TMEM54: variants seen among roughly 807,000 people sequenced by gnomAD.
TMEM54 encodes the protein transmembrane protein 54.
Under a neutral mutation model 21.3 loss-of-function variants are expected in TMEM54, and 21 were observed. The ratio of observed to expected loss-of-function variants is 0.99; its 90% CI spans 0.70 to 1.42. TMEM54 has a LOEUF of 1.42. Ranked by LOEUF, TMEM54 falls within the 40% of genes most tolerant of loss-of-function variation. The pLI is 0.00. For missense variants in TMEM54, 246 were observed against 294.0 expected, an observed-to-expected ratio of 0.84 and a Z score of 1.19; for synonymous variants, 109 against 125.0, an observed-to-expected ratio of 0.87 and a Z score of 0.86.
Position 32,898,274 on chromosome 1 carries a change from C to T in TMEM54, c.62G>A (p.Gly21Asp). ...GDFRKVLMKT[G>D]LVLVVLGHVS... ...ATGGCCCAGCACCACCAGCACCAGGCCTGTCTTCATCAGCACCTTCCGGAA... is the reference window on the plus strand; with the variant it reads ...ATGGCCCAGCACCACCAGCACCAGGTCTGTCTTCATCAGCACCTTCCGGAA... The change falls in exon 2 of 6, where the codon GGC (glycine) becomes GAC (aspartate). Residue 21 changes from glycine to aspartate, a missense_variant. By Grantham distance (94) the Gly-to-Asp change is moderately conservative. Coordinates refer to ENST00000373463, the MANE Select transcript of TMEM54 (RefSeq NM_033504.4). 2 of 1,611,770 alleles carry T rather than the reference C, an allele frequency of 1.2e-6. No individual in the cohort carries two copies. The highest frequency in any genetic ancestry group is 1.7e-6 in the Non-Finnish European group (2 of 1,178,068).
At position 32,896,573 on chromosome 1, in the gene TMEM54, G is replaced by A. The variant is rs115923480; in HGVS notation, c.211-604C>T. Among the ~76,000 whole-genome samples the A allele has an allele frequency of 3.3e-5, 5 of 152,290 alleles. No homozygotes were observed. The highest frequency in any genetic ancestry group is 1.2e-4 in the African/African-American group (5 of 41,556). On this transcript the variant is annotated intron_variant, in intron 2 of 5. Transcript: ENST00000373463. This position sits in a 1 kb window ranked among gnomAD's most constrained non-coding sequence, Gnocchi z 4.1. Reference sequence around the variant, plus strand: ...CTCTCACCTTCCTGCTCCTCTGCCCGTGTGGATCCTGCAAGCCCTGCTCAG... The same window carrying A: ...CTCTCACCTTCCTGCTCCTCTGCCCATGTGGATCCTGCAAGCCCTGCTCAG...
Position 32,901,302 on chromosome 1 carries a change from G to A in TMEM54, c.-64C>T, listed in dbSNP as rs907364875. On this transcript the variant is annotated 5_prime_UTR_variant, in exon 1 of 6. Transcript: ENST00000373463. This position sits in a 1 kb window ranked among gnomAD's most constrained non-coding sequence, Gnocchi z 4.2. ...GCTCCCGAGGCTGCGGGCCGCCGGG[G>A]GACCCTGCTCCCATCCCGCTGGCCC... 5.5e-6 allele frequency: 7 copies of A among 1,280,064 alleles called. No homozygotes were observed. The highest frequency in any genetic ancestry group is 2.5e-5 in the South Asian group (1 of 40,390). 79.3% of individuals were successfully genotyped at this position (1,280,064 alleles called of 1,614,324 possible).
At chr1:32,899,240 A>T (rs1641668113) in intron 1 of TMEM54, among the ~76,000 whole-genome samples, 1 of 152,100 alleles carries the variant, frequency 6.6e-6, no homozygotes. Flanking sequence ...CAGCTCTGAG[A>T]CTTGAAGACT....
At position 32,896,084 on chromosome 1, in the gene TMEM54, C is replaced by T; in HGVS notation, c.211-115G>A. The T allele has an allele frequency of 9.0e-7, 1 of 1,114,084 alleles. No homozygotes were observed. The highest frequency in any genetic ancestry group is 2.5e-5 in the Admixed American group (1 of 39,370). 69.0% of individuals were successfully genotyped at this position (1,114,084 alleles called of 1,614,324 possible). On this transcript the variant is annotated intron_variant, in intron 2 of 5. Transcript: ENST00000373463. The surrounding 1 kb of genome is among the most constrained non-coding windows in gnomAD (Gnocchi z 4.1). ...GGCGCCAACCATTGCCCTCCAGACT[C>T]CCCCACCCCTCACCTGCTGCTTAGC... is the stretch of plus-strand genomic sequence containing the variant.
chr1:32,895,446 G>T lies in TMEM54; in HGVS notation c.460-7C>A, dbSNP rs1462099774. On this transcript the variant is annotated splice_region_variant and splice_polypyrimidine_tract_variant and intron_variant, in intron 4 of 5. Coordinates refer to ENST00000373463, the MANE Select transcript of TMEM54 (RefSeq NM_033504.4). The surrounding 1 kb of genome is among the most constrained non-coding windows in gnomAD (Gnocchi z 5.8). Reference sequence around the variant, plus strand: ...AGAGGCACAGGCTGGAGCTCTGCGGGGCATGGGGCAGAGATGGCTGGCTGG... The same window carrying T: ...AGAGGCACAGGCTGGAGCTCTGCGGTGCATGGGGCAGAGATGGCTGGCTGG... 5.6e-6 allele frequency: 9 copies of T among 1,608,566 alleles called. No homozygotes were observed. The South Asian group carries it at 9.9e-5, about 18-fold the overall frequency.
rs751253232 is a variant in TMEM54, at chr1:32,901,262, C to G, written c.-24G>C. The G allele has an allele frequency of 7.1e-7, 1 of 1,406,208 alleles. No individual in the cohort carries two copies. The highest frequency in any genetic ancestry group is 2.2e-5 in the Admixed American group (1 of 45,488). 87.1% of individuals were successfully genotyped at this position (1,406,208 alleles called of 1,614,324 possible). On this transcript the variant is annotated 5_prime_UTR_variant, in exon 1 of 6. Coordinates refer to ENST00000373463, the MANE Select transcript of TMEM54 (RefSeq NM_033504.4). The surrounding 1 kb of genome is among the most constrained non-coding windows in gnomAD (Gnocchi z 4.2). Reference sequence around the variant, plus strand: ...ATGTCGGCTCCGCGCTGGTCCCGCCCCCGGCTTCAGCGCGGCTCCCGAGGC... The same window carrying G: ...ATGTCGGCTCCGCGCTGGTCCCGCCGCCGGCTTCAGCGCGGCTCCCGAGGC...
Position 32,898,302 on chromosome 1 carries a change from C to T in TMEM54, c.34G>A (p.Asp12Asn), listed in dbSNP as rs137957138. Reference sequence around the variant, plus strand: ...GTCTTCATCAGCACCTTCCGGAAGTCGCCCACACTCAGGCCTCCTGTGGGG... The same window carrying T: ...GTCTTCATCAGCACCTTCCGGAAGTTGCCCACACTCAGGCCTCCTGTGGGG... Reference protein sequence around the residue: ...CLRLGGLSVGDFRKVLMKTGL... With the variant: ...CLRLGGLSVGNFRKVLMKTGL... The change falls in exon 2 of 6, where the codon GAC becomes AAC. Residue 12 changes from aspartate to asparagine, a missense_variant. Coordinates refer to ENST00000373463, the MANE Select transcript of TMEM54 (RefSeq NM_033504.4). The T allele has an allele frequency of 3.7e-6, 6 of 1,603,318 alleles. No homozygotes were observed. Among genetic ancestry groups the T allele is most frequent in the Admixed American group, 3.3e-5 (2 of 59,856 alleles).
rs1641726535 is a variant in TMEM54 at position 32,901,372 on chromosome 1, C to T, written c.-134G>A. ...CCGTCGCGCTCGCCCACTTCCCGCC[C>T]GGAGCCCGGGGCTGGGCGGCGCCGG... is the stretch of plus-strand genomic sequence containing the variant. On this transcript the variant is annotated 5_prime_UTR_variant, in exon 1 of 6. Transcript: ENST00000373463. This position sits in a 1 kb window ranked among gnomAD's most constrained non-coding sequence, Gnocchi z 4.2. 1.1e-6 allele frequency: 1 copy of T among 903,324 alleles called. No individual in the cohort carries two copies. Among genetic ancestry groups the T allele is most frequent in the African/African-American group, 1.8e-5 (1 of 56,378 alleles). The allele number at this position is 903,324 out of a possible 1,614,324, so 56.0% of individuals were successfully genotyped here.
Position 32,895,806 on chromosome 1 carries a change from TC to T in TMEM54, c.271-64del. The T allele has an allele frequency of 1.3e-6, 2 of 1,547,906 alleles. No homozygotes were observed. The highest frequency in any genetic ancestry group is 1.7e-6 in the Non-Finnish European group (2 of 1,145,670). On this transcript the variant is annotated intron_variant, in intron 3 of 5. Transcript: ENST00000373463. This position sits in a 1 kb window ranked among gnomAD's most constrained non-coding sequence, Gnocchi z 5.8. ...TTGGCCCCCATGGGCAGCTCTGGCC[TC>T]CCTGAGGGTCAGCCTTACCCTCTCC...
chr1:32,895,195 C>T lies in TMEM54; in HGVS notation c.594+110G>A. 1 of 1,426,240 alleles carries T rather than the reference C, an allele frequency of 7.0e-7. No homozygotes were observed. The highest frequency in any genetic ancestry group is 9.3e-7 in the Non-Finnish European group (1 of 1,070,796). 88.3% of individuals were successfully genotyped at this position (1,426,240 alleles called of 1,614,324 possible). ...TTGCTCCTGGGGAGAAAACTTCTGCCCCATTTCTCAAGGTGGGGGCCCATA... is the reference window on the plus strand; with the variant it reads ...TTGCTCCTGGGGAGAAAACTTCTGCTCCATTTCTCAAGGTGGGGGCCCATA... On this transcript the variant is annotated intron_variant, in intron 5 of 5. Coordinates refer to ENST00000373463, the MANE Select transcript of TMEM54 (RefSeq NM_033504.4). The surrounding 1 kb of genome is among the most constrained non-coding windows in gnomAD (Gnocchi z 5.8).
rs1641546598 is a variant in TMEM54 at position 32,894,864 on chromosome 1, C to A, written c.610G>T (p.Glu204Ter). The A allele has an allele frequency of 1.2e-6, 2 of 1,611,114 alleles. No individual in the cohort carries two copies. Among genetic ancestry groups the A allele is most frequent in the East Asian group, 4.5e-5 (2 of 44,762 alleles). ...AGCAGGTCACGGCCCTCCACCAGCT[C>A]TGGGTTCTCCCGCATCTGCAGAGAC... Reference protein sequence around the residue: ...SSHHMMRENPELVEGRDLLSC... With the variant: ...SSHHMMRENP The change falls in exon 6 of 6, where the codon GAG (glutamate) becomes TAG (stop). Residue 204 changes from glutamate to a stop codon, truncating the protein, a stop_gained. Coordinates refer to ENST00000373463, the MANE Select transcript of TMEM54 (RefSeq NM_033504.4). LOFTEE classifies it high-confidence loss of function.
rs1395273751 is a variant in TMEM54, at chr1:32,896,804, C to T, written c.211-835G>A. On this transcript the variant is annotated intron_variant, in intron 2 of 5. Coordinates refer to ENST00000373463, the MANE Select transcript of TMEM54 (RefSeq NM_033504.4). This position sits in a 1 kb window ranked among gnomAD's most constrained non-coding sequence, Gnocchi z 4.1. The stretch of plus-strand genomic sequence containing the variant: ...TTCCAGGCCTAGCATGTCTTTAGTT[C>T]ACATGAGAGCCACAACAGAGTGCCT... Among the ~76,000 whole-genome samples the T allele has an allele frequency of 6.6e-6, 1 of 152,206 alleles. No individual in the cohort carries two copies. The highest frequency in any genetic ancestry group is 1.5e-5 in the Non-Finnish European group (1 of 68,030).
rs1473114714 is a variant in TMEM54, at chr1:32,894,779, A to G, written c.*26T>C. The G allele has an allele frequency of 1.7e-5, 28 of 1,601,534 alleles. No homozygotes were observed. Among genetic ancestry groups the G allele is most frequent in the Non-Finnish European group, 2.4e-5 (28 of 1,169,796 alleles). The stretch of plus-strand genomic sequence containing the variant: ...AGTTGCTTGCAGGGTCCTAGTGGCC[A>G]TCGGGCCTGGGCAGGACATCATCTC... On this transcript the variant is annotated 3_prime_UTR_variant, in exon 6 of 6. Coordinates refer to ENST00000373463, the MANE Select transcript of TMEM54 (RefSeq NM_033504.4).
chr1:32,895,803 G>T lies in TMEM54; in HGVS notation c.271-60C>A. 1 of 1,547,956 alleles carries T rather than the reference G, an allele frequency of 6.5e-7. No individual in the cohort carries two copies. Among genetic ancestry groups the T allele is most frequent in the Non-Finnish European group, 8.7e-7 (1 of 1,145,806 alleles). The stretch of plus-strand genomic sequence containing the variant: ...TGCTTGGCCCCCATGGGCAGCTCTG[G>T]CCTCCCTGAGGGTCAGCCTTACCCT... On this transcript the variant is annotated intron_variant, in intron 3 of 5. Transcript: ENST00000373463. This position sits in a 1 kb window ranked among gnomAD's most constrained non-coding sequence, Gnocchi z 5.8.
At position 32,897,479 on chromosome 1, in the gene TMEM54, G is replaced by A. The variant is rs1315318565; in HGVS notation, c.210+647C>T. ...CAGGTACTGATATCTGGTCACAACC[G>A]TGGCTACCATTCATTGAGCAGTTGC... On this transcript the variant is annotated intron_variant, in intron 2 of 5. Coordinates refer to ENST00000373463, the MANE Select transcript of TMEM54 (RefSeq NM_033504.4). This position sits in a 1 kb window ranked among gnomAD's most constrained non-coding sequence, Gnocchi z 4.9. 2.0e-5 allele frequency among the ~76,000 whole-genome samples: 3 copies of A among 152,184 alleles called. No individual in the cohort carries two copies. Among genetic ancestry groups the A allele is most frequent in the Admixed American group, 1.3e-4 (2 of 15,274 alleles).
Position 32,896,633 on chromosome 1 carries a change from A to G in TMEM54, c.211-664T>C, listed in dbSNP as rs760718807. ...CGTTTCCCTAACCAGCCTCGATCCCAAGGGGTGGGGCTACCCCACAGTTCA... is the reference window on the plus strand; with the variant it reads ...CGTTTCCCTAACCAGCCTCGATCCCGAGGGGTGGGGCTACCCCACAGTTCA... On this transcript the variant is annotated intron_variant, in intron 2 of 5. Transcript: ENST00000373463. The surrounding 1 kb of genome is among the most constrained non-coding windows in gnomAD (Gnocchi z 4.1). 7.9e-5 allele frequency among the ~76,000 whole-genome samples: 12 copies of G among 152,178 alleles called. No individual in the cohort carries two copies. The highest frequency in any genetic ancestry group is 1.6e-4 in the Non-Finnish European group (11 of 68,030).
Position 32,900,161 on chromosome 1 carries a change from CTT to C in TMEM54, c.16+1060_16+1061del, listed in dbSNP as rs79232578. Reference sequence around the variant, plus strand: ...TAACAACAGCATCCCAGGACCAAGACTTTGGTCAAAGAGGAGGCACGGTGCCA... The same window carrying C: ...TAACAACAGCATCCCAGGACCAAGACTGGTCAAAGAGGAGGCACGGTGCCA... On this transcript the variant is annotated intron_variant, in intron 1 of 5. Transcript: ENST00000373463. Among the ~76,000 whole-genome samples the C allele has an allele frequency of 3.8e-3, 581 of 152,348 alleles. 11 individuals carry two copies. The East Asian group carries it at 0.051, about 13-fold the overall frequency.
Position 32,895,339 on chromosome 1 carries a change from A to G in TMEM54, c.560T>C (p.Leu187Pro), listed in dbSNP as rs1252222889. The G allele has an allele frequency of 6.2e-7, 1 of 1,613,610 alleles. No individual in the cohort carries two copies. The highest frequency in any genetic ancestry group is 8.5e-7 in the Non-Finnish European group (1 of 1,179,644). ...GCTGCTTTTCCCCCACCAGGGCCTCAGCTCCAGCAGCTGGTGGGTGAGCTG... is the reference window on the plus strand; with the variant it reads ...GCTGCTTTTCCCCCACCAGGGCCTCGGCTCCAGCAGCTGGTGGGTGAGCTG... ...CAQLTHQLLELRPWWGKSSHH... is the reference protein window; with the variant it reads ...CAQLTHQLLEPRPWWGKSSHH... The change falls in exon 5 of 6, where the codon CTG (leucine) becomes CCG (proline). Residue 187 changes from leucine (L) to proline (P), a missense_variant. Physicochemically the swap from Leu to Pro is moderately conservative, Grantham distance 98. Transcript: ENST00000373463. The surrounding 1 kb of genome is among the most constrained non-coding windows in gnomAD (Gnocchi z 5.8).
intron 1 of TMEM54, among the ~76,000 whole-genome samples, chr1:32,899,426 C>T (rs1391103001): frequency 6.7e-6 from 1 of 149,876 alleles, no homozygotes; most frequent in Non-Finnish European, 1.5e-5. Context: ...AGAGGCTGGG[C>T]ACAGTGGTCA....
Sources: allele counts gnomAD v4.1 joint callset (sites outside exome capture counted in the v4.1 genomes callset), GRCh38; gene constraint gnomAD v4.1.1; non-coding constraint Gnocchi (gnomAD v3.1); transcripts MANE v1.5; gene names NCBI Gene and HGNC (gene_info 2026-07-23, HGNC 2026-07-21).